ATRNL1: variants seen among roughly 807,000 people sequenced by gnomAD.
ATRNL1 encodes attractin-like protein 1.
In ATRNL1, 95 loss-of-function variants were observed where a neutral mutation model predicts 182.7. The observed-to-expected ratio is 0.52, with a 90% confidence interval of 0.44 to 0.62. The LOEUF (loss-of-function observed/expected upper bound fraction) is 0.62. Among genes scored for constraint, ATRNL1 ranks in the 20% least tolerant of loss-of-function variants. The pLI is 0.00. For missense variants in ATRNL1, 1,471 were observed against 1,679.5 expected (o/e 0.88, Z 2.17); for synonymous variants, 576 against 568.3 (o/e 1.01, Z -0.19).
intron 12 of ATRNL1, among the ~76,000 whole-genome samples, chr10:115,267,922 T>C (rs2133886609): frequency 6.6e-6 from 1 of 152,158 alleles, no homozygotes; most frequent in African/African-American, 2.4e-5. Context: ...CCACTATGCC[T>C]GGCTAATTTT....
chr10:115,768,171 A>G (rs1442111015), intron 27 of ATRNL1, among the ~76,000 whole-genome samples: 2 of 152,140 alleles, frequency 1.3e-5, no homozygotes, highest in African/African-American at 4.8e-5. Flanking sequence ...TAAATTGCTG[A>G]ATCTCTTAAC....
At chr10:115,359,172 A>C (rs1270919605) in intron 19 of ATRNL1, among the ~76,000 whole-genome samples, 1 of 151,650 alleles carries the variant, frequency 6.6e-6, no homozygotes, top group African/African-American at 2.4e-5. Context: ...TTGTTAAGTC[A>C]TAATTTACTT....
At chr10:115,936,086 G>T (rs1333068041) in intron 28 of ATRNL1, among the ~76,000 whole-genome samples, 1 of 152,150 alleles carries the variant, frequency 6.6e-6, no homozygotes, top group African/African-American at 2.4e-5. Context: ...TCAACCCATG[G>T]TAGACATACT....
At chr10:115,717,253 A>G (rs1947281095) in intron 26 of ATRNL1, among the ~76,000 whole-genome samples, 1 of 152,126 alleles carries the variant, frequency 6.6e-6, no homozygotes, top group Non-Finnish European at 1.5e-5. Context: ...TTCTTGTGCC[A>G]TTTTGTTCCA....
chr10:115,096,410 A>G (rs528623249), intron 1 of ATRNL1, among the ~76,000 whole-genome samples: 2 of 152,308 alleles, frequency 1.3e-5, no homozygotes, highest in Admixed American at 6.5e-5. Flanking sequence ...AAATAAACCT[A>G]TGAAAGGTTT....
At chr10:115,172,574 A>G (rs1554885912) in intron 8 of ATRNL1, among the ~76,000 whole-genome samples, 1 of 151,930 alleles carries the variant, frequency 6.6e-6, no homozygotes, top group Non-Finnish European at 1.5e-5. Flanking sequence ...TTGTTATTCC[A>G]GTACAATGAG....
intron 21 of ATRNL1, among the ~76,000 whole-genome samples, chr10:115,460,936 C>A (rs1463664871): frequency 6.6e-6 from 1 of 152,040 alleles, no homozygotes; most frequent in African/African-American, 2.4e-5. Context: ...TGACCTACTG[C>A]ATAATTCTCA....
intron 28 of ATRNL1, among the ~76,000 whole-genome samples, chr10:115,852,776 G>A (rs782281399): frequency 7.2e-5 from 11 of 152,208 alleles, no homozygotes; most frequent in Non-Finnish European, 1.3e-4. Context: ...CTGCTGAGCA[G>A]TGGGCTTATT....
intron 26 of ATRNL1, among the ~76,000 whole-genome samples, chr10:115,723,381 G>C (rs542024461): frequency 1.3e-5 from 2 of 152,236 alleles, no homozygotes; most frequent in South Asian, 2.1e-4. Flanking sequence ...TGTATGCCTT[G>C]TGGTGTTTGG....
intron 28 of ATRNL1, among the ~76,000 whole-genome samples, chr10:115,888,754 T>C (rs1555110410): frequency 1.3e-5 from 2 of 152,234 alleles, no homozygotes; most frequent in East Asian, 3.9e-4. Flanking sequence ...GAAGCACTTC[T>C]TCATCCAGTG....
intron 26 of ATRNL1, among the ~76,000 whole-genome samples, chr10:115,569,927 G>A (rs1854293770): frequency 6.6e-6 from 1 of 152,086 alleles, no homozygotes; most frequent in African/African-American, 2.4e-5. Flanking sequence ...TTTGGTGTCT[G>A]GCGAGGGGCT....
At chr10:115,156,651 C>T (rs550743905) in intron 5 of ATRNL1, among the ~76,000 whole-genome samples, 1 of 151,944 alleles carries the variant, frequency 6.6e-6, no homozygotes, top group South Asian at 2.1e-4. Context: ...CTGTGCATAA[C>T]CTGCGGAGAA....
intron 19 of ATRNL1, among the ~76,000 whole-genome samples, chr10:115,389,550 A>ATATATATGTG (rs1554953820): frequency 7.3e-5 from 4 of 54,786 alleles, no homozygotes; most frequent in Non-Finnish European, 1.2e-4. Flanking sequence ...GTATATATAT[A>ATATATATGTG]TATATATATA....
At chr10:115,308,383 A>G (rs782333080) in intron 17 of ATRNL1, among the ~76,000 whole-genome samples, 12 of 152,262 alleles carry the variant, frequency 7.9e-5, no homozygotes, top group African/African-American at 2.9e-4. Flanking sequence ...TGAAAATTCA[A>G]TTAAATTTGT....
chr10:115,602,421 G>A lies in ATRNL1; in HGVS notation c.3795+52885G>A, dbSNP rs7073884. Among the ~76,000 whole-genome samples, 1,334 of 133,526 alleles carry A rather than the reference G, an allele frequency of 1.0e-2. 22 individuals carry two copies. Among genetic ancestry groups the A allele is most frequent in the African/African-American group, 0.038 (1,260 of 33,326 alleles). The allele number at this position is 133,526 out of a possible 152,430, so 87.6% of individuals were successfully genotyped here. On this transcript the variant is annotated intron_variant, in intron 26 of 28. Transcript: ENST00000355044. ...CAATACTTCTGACACTAAATGTTTG[G>A]GATTTTTTTGTTTACACACACAAAA...
In ATRNL1 at chr10:115,266,911, AG is replaced by A; in HGVS notation, c.1890del (p.Ile631Ter). The A allele has an allele frequency of 6.2e-7, 1 of 1,612,556 alleles. No individual in the cohort carries two copies. The highest frequency in any genetic ancestry group is 8.5e-7 in the Non-Finnish European group (1 of 1,179,020). On this transcript the variant is annotated frameshift_variant, in exon 12 of 29. Coordinates refer to ENST00000355044, the MANE Select transcript of ATRNL1 (RefSeq NM_207303.4). LOFTEE classifies it high-confidence loss of function. Reference protein sequence around the residue: ...DEELCKNAGPGIKCVWNKNHC... With the variant: ...DEELCKNAGPXIKCVWNKNHC... ...AAGAACTTTGTAAAAATGCTGGTCCAGGGATAAAATGTGTTTGGAATAAAAA... is the reference window on the plus strand; with the variant it reads ...AAGAACTTTGTAAAAATGCTGGTCCAGGATAAAATGTGTTTGGAATAAAAA...
intron 25 of ATRNL1, among the ~76,000 whole-genome samples, chr10:115,542,539 T>C (rs1852420019): frequency 6.6e-6 from 1 of 152,128 alleles, no homozygotes; most frequent in Non-Finnish European, 1.5e-5. Context: ...GCTGCGTTCA[T>C]TTTTGTTCCT....
intron 26 of ATRNL1, among the ~76,000 whole-genome samples, chr10:115,638,622 AT>A (rs1352101484): frequency 2.0e-5 from 3 of 152,166 alleles, no homozygotes; most frequent in African/African-American, 7.2e-5. Flanking sequence ...GGAATTAGAT[AT>A]TGGTGGTAAT....
chr10:115,577,524 C>T (rs2420089), intron 26 of ATRNL1, among the ~76,000 whole-genome samples: 147,507 of 151,670 alleles, frequency 0.97, 71,892 homozygotes, highest in East Asian at 1. Flanking sequence ...ATCTAATAGA[C>T]CATTGTTGAT....
Sources: allele counts gnomAD v4.1 joint callset (sites outside exome capture counted in the v4.1 genomes callset), GRCh38; gene constraint gnomAD v4.1.1; transcripts MANE v1.5; gene names NCBI Gene and HGNC (gene_info 2026-07-23, HGNC 2026-07-21).